Variants in ZRANB3 observed in about 807,000 individuals in gnomAD.
ZRANB3 encodes zinc finger RANBP2-type containing 3.
Under a neutral mutation model 133.8 loss-of-function variants are expected in ZRANB3, and 125 were observed. The ratio of observed to expected loss-of-function variants is 0.93; its 90% CI spans 0.81 to 1.08. The LOEUF (loss-of-function observed/expected upper bound fraction) is 1.08, where lower values mean the gene tolerates loss of function less well. Ranked by LOEUF, ZRANB3 falls within the 50% of genes least tolerant of loss-of-function variation. ZRANB3 has a pLI of 0.00. For missense variants in ZRANB3, 1,229 were observed against 1,275.5 expected, an observed-to-expected ratio of 0.96 and a Z score of 0.56; for synonymous variants, 387 against 432.7, an observed-to-expected ratio of 0.89 and a Z score of 1.31.
At chr2:135,305,072 G>A (rs1314442950) in intron 8 of ZRANB3, among the ~76,000 whole-genome samples, 1 of 152,062 alleles carries the variant, frequency 6.6e-6, no homozygotes, top group Non-Finnish European at 1.5e-5. Flanking sequence ...CACCTCCCCA[G>A]GTTCAAGCAA....
At chr2:135,469,915 G>C (rs1691178950) in intron 2 of ZRANB3, among the ~76,000 whole-genome samples, 2 of 151,814 alleles carry the variant, frequency 1.3e-5, no homozygotes, top group African/African-American at 2.4e-5. Context: ...GGGAGGCTGA[G>C]GCAGGGGAAT....
intron 1 of ZRANB3, among the ~76,000 whole-genome samples, chr2:135,513,044 T>G (rs1374261375): frequency 1.3e-5 from 2 of 152,108 alleles, no homozygotes; most frequent in Non-Finnish European, 2.9e-5. Context: ...CACAAGCACA[T>G]TACAAGAAAA....
chr2:135,404,655 T>G (rs1687918658), intron 2 of ZRANB3, among the ~76,000 whole-genome samples: 1 of 152,100 alleles, frequency 6.6e-6, no homozygotes, highest in East Asian at 1.9e-4. Flanking sequence ...ATTCTCAGAT[T>G]CACCAAAGTT....
chr2:135,485,061 T>C (rs1692029371), intron 2 of ZRANB3, among the ~76,000 whole-genome samples: 1 of 151,616 alleles, frequency 6.6e-6, no homozygotes, highest in African/African-American at 2.4e-5. Context: ...TAAAAATAAA[T>C]ATATTTTTAA....
At chr2:135,263,406 T>A (rs1573783897) in intron 12 of ZRANB3, among the ~76,000 whole-genome samples, 1 of 152,232 alleles carries the variant, frequency 6.6e-6, no homozygotes, top group African/African-American at 2.4e-5. Flanking sequence ...GCAGTAAAGA[T>A]ATTTGTGCAT....
intron 8 of ZRANB3, among the ~76,000 whole-genome samples, chr2:135,287,782 T>C (rs1222634645): frequency 1.3e-5 from 2 of 151,538 alleles, no homozygotes; most frequent in African/African-American, 4.8e-5. Flanking sequence ...TACATCGATT[T>C]TGTATCCTGA....
At chr2:135,391,772 G>C (rs1227763356) in intron 2 of ZRANB3, among the ~76,000 whole-genome samples, 1 of 151,864 alleles carries the variant, frequency 6.6e-6, no homozygotes, top group African/African-American at 2.4e-5. Flanking sequence ...GTAGAGACGG[G>C]GTTTCACCGT....
chr2:135,500,975 G>C (rs1692915701), intron 2 of ZRANB3, among the ~76,000 whole-genome samples: 1 of 151,942 alleles, frequency 6.6e-6, no homozygotes, highest in African/African-American at 2.4e-5. Context: ...AAATGGGGGA[G>C]AAGCAATATT....
At chr2:135,257,086 T>A (rs1311378617) in intron 12 of ZRANB3, among the ~76,000 whole-genome samples, 1 of 152,210 alleles carries the variant, frequency 6.6e-6, no homozygotes, top group African/African-American at 2.4e-5. Flanking sequence ...AACTCATGAC[T>A]AATCTACCCC....
intron 19 of ZRANB3, 76 bp from the exon 20 acceptor site, chr2:135,203,039 C>T (rs1693687922): frequency 6.5e-7 from 1 of 1,526,848 alleles, no homozygotes; most frequent in Admixed American, 1.9e-5. Flanking sequence ...ATTGTGCAAT[C>T]ATGTATGTTT....
intron 3 of ZRANB3, among the ~76,000 whole-genome samples, chr2:135,378,257 C>T (rs1003625161): frequency 6.6e-6 from 1 of 152,170 alleles, no homozygotes; most frequent in African/African-American, 2.4e-5. Context: ...CTTTGGGAGG[C>T]TGAAGCAGGC....
chr2:135,206,111 T>C (rs1024710879), intron 19 of ZRANB3, among the ~76,000 whole-genome samples: 3 of 152,156 alleles, frequency 2.0e-5, no homozygotes, highest in African/African-American at 7.2e-5. Flanking sequence ...TATTCAACCA[T>C]TGATAGTATG....
intron 8 of ZRANB3, among the ~76,000 whole-genome samples, chr2:135,291,088 G>C (rs561491394): frequency 6.6e-6 from 1 of 151,920 alleles, no homozygotes; most frequent in Non-Finnish European, 1.5e-5. Flanking sequence ...TCTTGAACTC[G>C]TGACCTCAGG....
chr2:135,285,266 C>G (rs958578122), intron 8 of ZRANB3, among the ~76,000 whole-genome samples: 3 of 152,188 alleles, frequency 2.0e-5, no homozygotes, highest in Non-Finnish European at 2.9e-5. Context: ...TTTAATAAAG[C>G]CTTCCTCCAT....
At chr2:135,282,540 T>C (rs1434755231) in intron 8 of ZRANB3, among the ~76,000 whole-genome samples, 1 of 152,208 alleles carries the variant, frequency 6.6e-6, no homozygotes, top group East Asian at 1.9e-4. Context: ...CTTCAAAAGA[T>C]GGTTCCAGTG....
At chr2:135,249,566 A>C (rs1679273119) in intron 12 of ZRANB3, among the ~76,000 whole-genome samples, 1 of 152,162 alleles carries the variant, frequency 6.6e-6, no homozygotes, top group Non-Finnish European at 1.5e-5. Context: ...CCAAATCTCA[A>C]CTTGAATTGT....
intron 8 of ZRANB3, among the ~76,000 whole-genome samples, chr2:135,292,598 A>C (rs944461656): frequency 6.6e-6 from 1 of 152,122 alleles, no homozygotes; most frequent in Non-Finnish European, 1.5e-5. Flanking sequence ...TCTTTAGTTT[A>C]ATTAGATCCC....
intron 3 of ZRANB3, among the ~76,000 whole-genome samples, chr2:135,356,657 C>A (rs1685449739): frequency 6.6e-6 from 1 of 152,078 alleles, no homozygotes; most frequent in African/African-American, 2.4e-5. Flanking sequence ...CTAAAATGTC[C>A]ATTAGAATCT....
At chr2:135,478,385 C>A (rs549922922) in intron 2 of ZRANB3, among the ~76,000 whole-genome samples, 80 of 151,066 alleles carry the variant, frequency 5.3e-4, no homozygotes, top group African/African-American at 1.9e-3. Context: ...ATTATCAGCA[C>A]CCCCCCGAAG....
Sources: allele counts gnomAD v4.1 joint callset (sites outside exome capture counted in the v4.1 genomes callset), GRCh38; gene constraint gnomAD v4.1.1; transcripts MANE v1.5; gene names NCBI Gene and HGNC (gene_info 2026-07-23, HGNC 2026-07-21).